The following RAP1GAP2 variants were observed in gnomAD, a reference collection of about 807,000 sequenced individuals.
RAP1GAP2 encodes RAP1 GTPase activating protein 2.
Under a neutral mutation model 95.0 loss-of-function variants are expected in RAP1GAP2, and 27 were observed. That is an observed-to-expected ratio of 0.28 (90% CI 0.21 to 0.39). The LOEUF (loss-of-function observed/expected upper bound fraction) is 0.39. Ranked by LOEUF, RAP1GAP2 falls within the 10% of genes least tolerant of loss-of-function variation. The pLI, the probability that RAP1GAP2 is intolerant of heterozygous loss-of-function variation, is 1.00. For synonymous variants in RAP1GAP2, 373 were observed against 380.9 expected (o/e 0.98, Z 0.24); for missense variants, 771 against 970.0 (o/e 0.79, Z 2.72).
chr17:2,820,603 A>G (rs1366137867), intron 2 of RAP1GAP2, among the ~76,000 whole-genome samples: 4 of 148,222 alleles, frequency 2.7e-5, no homozygotes, highest in Non-Finnish European at 4.4e-5. Context: ...CTGGGCAGCA[A>G]TGAGAGACAC....
chr17:2,941,669 T>TC (rs1382558209), intron 3 of RAP1GAP2, among the ~76,000 whole-genome samples: 1 of 14,534 alleles, frequency 6.9e-5, no homozygotes, highest in Non-Finnish European at 3.6e-4. Flanking sequence ...GACTCTTGGG[T>TC]TTTTTTTTTT....
At chr17:2,802,507 C>T (rs373922498) in intron 2 of RAP1GAP2, among the ~76,000 whole-genome samples, 9 of 152,014 alleles carry the variant, frequency 5.9e-5, no homozygotes, top group East Asian at 5.8e-4. Context: ...GTCAGGAGTT[C>T]GAGACCAGCC....
intron 8 of RAP1GAP2, among the ~76,000 whole-genome samples, chr17:2,976,671 A>G (rs1029219365): frequency 1.2e-4 from 19 of 152,028 alleles, no homozygotes; most frequent in African/African-American, 4.3e-4. Flanking sequence ...AAGAAAATAG[A>G]AGGAAGGAAA....
intron 2 of RAP1GAP2, among the ~76,000 whole-genome samples, chr17:2,875,194 G>C (rs1378510360): frequency 6.6e-6 from 1 of 152,166 alleles, no homozygotes; most frequent in Non-Finnish European, 1.5e-5. Flanking sequence ...AGTCTCCGGA[G>C]TAGCTGAGAT....
At chr17:2,812,945 G>C (rs1183279263) in intron 2 of RAP1GAP2, among the ~76,000 whole-genome samples, 1 of 148,666 alleles carries the variant, frequency 6.7e-6, no homozygotes, top group African/African-American at 2.5e-5. Flanking sequence ...AGCCGAGATC[G>C]CACCATTGCA....
chr17:2,816,382 G>T (rs2070027708), intron 2 of RAP1GAP2, among the ~76,000 whole-genome samples: 1 of 151,884 alleles, frequency 6.6e-6, no homozygotes, highest in Admixed American at 6.6e-5. Flanking sequence ...CTGTCGCCCA[G>T]GCTGAAGTGC....
In RAP1GAP2 at chr17:2,790,518, G is replaced by A. The variant is rs538583420; in HGVS notation, c.-13-9997G>A. On this transcript the variant is annotated intron_variant, in intron 1 of 24. Transcript: ENST00000540393. ...GTAGGCTGAAGTCTCAAAAGAGTAG[G>A]TCACCTGCCCCCAGTGACTTAGAGG... Among the ~76,000 whole-genome samples, 5 of 152,326 alleles carry A rather than the reference G, an allele frequency of 3.3e-5. No individual in the cohort carries two copies. The South Asian group carries it at 8.3e-4, about 25-fold the overall frequency.
At chr17:2,899,635 T>A (rs935504279) in intron 2 of RAP1GAP2, among the ~76,000 whole-genome samples, 1 of 152,006 alleles carries the variant, frequency 6.6e-6, no homozygotes. Flanking sequence ...CTCAGCCTCC[T>A]TAGTAGCTGG....
Position 2,833,231 on chromosome 17 carries a change from C to T in RAP1GAP2, c.80+32681C>T, listed in dbSNP as rs1326073315. Among the ~76,000 whole-genome samples the T allele has an allele frequency of 3.9e-4, 58 of 150,376 alleles. 1 individual carries two copies. Among genetic ancestry groups the T allele is most frequent in the Admixed American group, 3.8e-3 (57 of 15,038 alleles). On this transcript the variant is annotated intron_variant, in intron 2 of 24. Coordinates refer to ENST00000254695, the MANE Select transcript of RAP1GAP2 (RefSeq NM_015085.5). The stretch of plus-strand genomic sequence containing the variant: ...AATCTCGGTTCACTGCAACCTCTGC[C>T]TCCTGGGTTCAAGCGATTCTCCTGC...
intron 2 of RAP1GAP2, among the ~76,000 whole-genome samples, chr17:2,816,293 A>G (rs575303244): frequency 6.6e-6 from 1 of 151,876 alleles, no homozygotes; most frequent in Non-Finnish European, 1.5e-5. Context: ...ATGACTCAGA[A>G]TTGACACTTG....
chr17:2,905,327 C>T lies in RAP1GAP2; in HGVS notation c.124C>T (p.Arg42Trp), dbSNP rs757081722. The change falls in exon 3 of 25, where the codon CGG becomes TGG. Residue 42 changes from arginine (R) to tryptophan (W), a missense_variant. Arg to Trp is a moderately radical substitution (Grantham distance 101). Coordinates refer to ENST00000254695, the MANE Select transcript of RAP1GAP2 (RefSeq NM_015085.5). ...ANSSDATLPD[R>W]PLSPPLTAPP... is the part of the protein sequence containing the mutation. Reference sequence around the variant, plus strand: ...CAGCTCGGATGCGACCCTCCCAGACCGGCCGCTCTCCCCTCCTCTCACGGC... The same window carrying T: ...CAGCTCGGATGCGACCCTCCCAGACTGGCCGCTCTCCCCTCCTCTCACGGC... 20 of 1,613,750 alleles carry T rather than the reference C, an allele frequency of 1.2e-5. No individual in the cohort carries two copies. Among genetic ancestry groups the T allele is most frequent in the East Asian group, 4.5e-5 (2 of 44,888 alleles).
intron 2 of RAP1GAP2, among the ~76,000 whole-genome samples, chr17:2,879,363 G>C (rs990295492): frequency 6.8e-6 from 1 of 148,078 alleles, no homozygotes; most frequent in South Asian, 2.4e-4. Context: ...TGATCCACCC[G>C]CCTCGGCCTC....
chr17:3,030,846 C>G, intron 22 of RAP1GAP2, 76 bp from the exon 23 acceptor site: 2 of 1,422,698 alleles, frequency 1.4e-6, no homozygotes, highest in Non-Finnish European at 1.9e-6. Context: ...CCCCTGGCCT[C>G]CCTAGCCAGT....
At chr17:3,012,070 C>T in intron 17 of RAP1GAP2, among the ~76,000 whole-genome samples, 1 of 152,196 alleles carries the variant, frequency 6.6e-6, no homozygotes, top group South Asian at 2.1e-4. Context: ...AGCAGCAGGC[C>T]TGCCATTGCC....
In RAP1GAP2 at chr17:2,855,823, A is replaced by T. The variant is rs1461474600; in HGVS notation, c.81-49461A>T. On this transcript the variant is annotated intron_variant, in intron 2 of 24. Transcript: ENST00000254695. This position sits in a 1 kb window ranked among gnomAD's most constrained non-coding sequence, Gnocchi z 4.3. ...AGACGGGGGTTTCACCATGTTGCCC[A>T]GGGTGGTCTCAAACTCCTGAGCTCA... Among the ~76,000 whole-genome samples, 1 of 152,312 alleles carries T rather than the reference A, an allele frequency of 6.6e-6. No homozygotes were observed. The highest frequency in any genetic ancestry group is 2.1e-4 in the South Asian group (1 of 4,830).
At chr17:2,884,814 G>A (rs1405622606) in intron 2 of RAP1GAP2, among the ~76,000 whole-genome samples, 5 of 152,026 alleles carry the variant, frequency 3.3e-5, no homozygotes, top group Non-Finnish European at 7.3e-5. Flanking sequence ...TCTTCCTCAC[G>A]GAACTGTGCT....
intron 19 of RAP1GAP2, 99 bp from the exon 20 acceptor site, chr17:3,025,909 G>C (rs1055472614): frequency 1.2e-6 from 1 of 865,906 alleles, no homozygotes; most frequent in African/African-American, 1.7e-5. Flanking sequence ...TGACCCCACT[G>C]CCCCTCACCG....
chr17:3,021,031 A>G (rs2046940974), intron 19 of RAP1GAP2, among the ~76,000 whole-genome samples: 1 of 152,050 alleles, frequency 6.6e-6, no homozygotes, highest in Non-Finnish European at 1.5e-5. Context: ...GTTCTTGGTA[A>G]TTGTCTTTCT....
At chr17:2,954,635 C>T (rs1384934102) in intron 3 of RAP1GAP2, among the ~76,000 whole-genome samples, 1 of 151,698 alleles carries the variant, frequency 6.6e-6, no homozygotes, top group Non-Finnish European at 1.5e-5. Flanking sequence ...GCTCTGTTGC[C>T]CAGGCTGGAG....
Sources: allele counts gnomAD v4.1 joint callset (sites outside exome capture counted in the v4.1 genomes callset), GRCh38; gene constraint gnomAD v4.1.1; non-coding constraint Gnocchi (gnomAD v3.1); transcripts MANE v1.5; gene names NCBI Gene and HGNC (gene_info 2026-07-23, HGNC 2026-07-21).